Variants in AKAP3 observed in about 807,000 individuals in gnomAD.
The protein encoded by AKAP3 is A-kinase anchor protein 3.
In AKAP3, 27 loss-of-function variants were observed where a neutral mutation model predicts 57.2. The observed-to-expected ratio is 0.47, with a 90% CI of 0.35 to 0.65. The LOEUF is 0.65. Ranked by LOEUF, AKAP3 falls within the 30% of genes least tolerant of loss-of-function variation. The pLI, the probability that AKAP3 is intolerant of heterozygous loss-of-function variation, is 0.01. For synonymous variants in AKAP3, 334 were observed against 392.3 expected, an observed-to-expected ratio of 0.85 and a Z score of 1.76; for missense variants, 959 against 1,040.0, an observed-to-expected ratio of 0.92 and a Z score of 1.07.
chr12:4,628,455 G>A lies in AKAP3; in HGVS notation c.447C>T (p.Gly149=). 1 of 1,614,212 alleles carries A rather than the reference G, an allele frequency of 6.2e-7. No homozygotes were observed. Among genetic ancestry groups the A allele is most frequent in the Non-Finnish European group, 8.5e-7 (1 of 1,180,034 alleles). ...ARKEINEKID[G]SENKCVYQSL... ...ACTGATAGACACATTTGTTTTCAGA[G>A]CCATCGATCTTCTCATTGATCTCTT... The change falls in exon 5 of 6, where the codon GGC becomes GGT. Residue 149 remains glycine, a synonymous_variant. Coordinates refer to ENST00000228850, the MANE Select transcript of AKAP3 (RefSeq NM_001278309.2).
intron 5 of AKAP3, among the ~76,000 whole-genome samples, chr12:4,617,613 G>C (rs1415765618): frequency 6.6e-6 from 1 of 152,126 alleles, no homozygotes; most frequent in Non-Finnish European, 1.5e-5. Context: ...ATAACTGGGT[G>C]TCATGGCACG....
At chr12:4,618,911 AAT>A (rs1314156146) in intron 5 of AKAP3, among the ~76,000 whole-genome samples, 2 of 152,232 alleles carry the variant, frequency 1.3e-5, no homozygotes, top group African/African-American at 4.8e-5. Context: ...TATTTGCAAA[AAT>A]ATATCAGATA....
At chr12:4,633,499 C>G (rs879732594) in intron 4 of AKAP3, among the ~76,000 whole-genome samples, 2 of 152,082 alleles carry the variant, frequency 1.3e-5, no homozygotes, top group Admixed American at 1.3e-4. Flanking sequence ...GACTGAAAGA[C>G]TAAGTACCCA....
intron 5 of AKAP3, among the ~76,000 whole-genome samples, chr12:4,623,091 T>C (rs1000889523): frequency 2.0e-5 from 3 of 152,032 alleles, no homozygotes; most frequent in Non-Finnish European, 4.4e-5. Flanking sequence ...TCACACCAGT[T>C]AGAATGGCTA....
Position 4,634,718 on chromosome 12 carries a change from A to AT in AKAP3, c.96+3382dup, listed in dbSNP as rs1257837738. The stretch of plus-strand genomic sequence containing the variant: ...CTAAAACAAGATGGGATTGCATTTG[A>AT]TTTTTTTTTTTACCCCATTAAAAAA... On this transcript the variant is annotated intron_variant, in intron 4 of 5. Transcript: ENST00000228850. Among the ~76,000 whole-genome samples the AT allele has an allele frequency of 3.2e-3, 300 of 93,902 alleles. 1 individual carries two copies. Among genetic ancestry groups the AT allele is most frequent in the South Asian group, 0.014 (34 of 2,402 alleles). 61.6% of individuals were successfully genotyped at this position (93,902 alleles called of 152,430 possible).
At chr12:4,624,316 CGT>C (rs71061197) in intron 5 of AKAP3, among the ~76,000 whole-genome samples, 4,432 of 42,558 alleles carry the variant, frequency 0.1, 97 homozygotes, top group African/African-American at 0.15. Flanking sequence ...TGTGACTTTA[CGT>C]GTGTGTGTGT....
In AKAP3 at chr12:4,628,415, TC is replaced by T; in HGVS notation, c.486del (p.Asn163MetfsTer12). On this transcript the variant is annotated frameshift_variant, in exon 5 of 6. Transcript: ENST00000228850. LOFTEE classifies it high-confidence loss of function. The part of the protein sequence containing the change: ...NKCVYQSLYM[G>X]NEPTPTKSLS... The stretch of plus-strand genomic sequence containing the variant: ...AGGCTTTTGGTGGGTGTGGGTTCAT[TC>T]CCCATGTACAATGACTGATAGACAC... 6.2e-7 allele frequency: 1 copy of T among 1,614,116 alleles called. No individual in the cohort carries two copies. Among genetic ancestry groups the T allele is most frequent in the African/African-American group, 1.3e-5 (1 of 75,020 alleles).
chr12:4,648,566 A>AG (rs1362770946), intron 1 of AKAP3, 179 bp downstream of exon 1: 1 of 152,308 alleles, frequency 6.6e-6, no homozygotes, highest in Non-Finnish European at 1.5e-5. Context: ...AGCAGGCGCA[A>AG]GGGTCCCTAT....
At position 4,648,970 on chromosome 12, in the gene AKAP3, C is replaced by G. The variant is rs1441447007; in HGVS notation, c.-470G>C. 2.6e-6 allele frequency: 2 copies of G among 773,648 alleles called. No homozygotes were observed. The highest frequency in any genetic ancestry group is 4.2e-6 in the Non-Finnish European group (2 of 480,222). The allele number at this position is 773,648 out of a possible 1,614,324, so 47.9% of individuals were successfully genotyped here. On this transcript the variant is annotated 5_prime_UTR_variant, in exon 1 of 6. Coordinates refer to ENST00000228850, the MANE Select transcript of AKAP3 (RefSeq NM_001278309.2). ...TCTTTTCACTTCCTTTCTTCCCCCT[C>G]TCCTTCACTTTCCCAGCTTTCTTCT...
intron 5 of AKAP3, among the ~76,000 whole-genome samples, chr12:4,616,562 A>G (rs1945287790): frequency 6.6e-6 from 1 of 152,250 alleles, no homozygotes; most frequent in Non-Finnish European, 1.5e-5. Flanking sequence ...AAATAAACAC[A>G]CCAAATATTG....
chr12:4,630,529 T>C (rs944359974), intron 4 of AKAP3, among the ~76,000 whole-genome samples: 44 of 152,246 alleles, frequency 2.9e-4, no homozygotes, highest in African/African-American at 9.6e-4. Context: ...AAGTGGCTTG[T>C]TATCATGTCG....
At chr12:4,646,877 G>A (rs1238565241) in intron 1 of AKAP3, among the ~76,000 whole-genome samples, 1 of 151,978 alleles carries the variant, frequency 6.6e-6, no homozygotes, top group African/African-American at 2.4e-5. Context: ...CCGCTTCCCA[G>A]GTTCAAGTGA....
rs1945396933 is a variant in AKAP3, at chr12:4,625,143, T to G, written c.2406+1353A>C. ...TGTTTCACGGATTGGAAACCCTGCG[T>G]GGAGACAGAGCTTGCCAACGACCCT... On this transcript the variant is annotated intron_variant, in intron 5 of 5. Coordinates refer to ENST00000228850, the MANE Select transcript of AKAP3 (RefSeq NM_001278309.2). This position sits in a 1 kb window ranked among gnomAD's most constrained non-coding sequence, Gnocchi z 5.4. Among the ~76,000 whole-genome samples, 1 of 152,176 alleles carries G rather than the reference T, an allele frequency of 6.6e-6. No individual in the cohort carries two copies. Among genetic ancestry groups the G allele is most frequent in the Admixed American group, 6.5e-5 (1 of 15,270 alleles).
At position 4,628,783 on chromosome 12, in the gene AKAP3, C is replaced by A; in HGVS notation, c.119G>T (p.Arg40Ile). 1 of 1,607,498 alleles carries A rather than the reference C, an allele frequency of 6.2e-7. No individual in the cohort carries two copies. The highest frequency in any genetic ancestry group is 8.5e-7 in the Non-Finnish European group (1 of 1,174,554). The change falls in exon 5 of 6, where the codon AGA (arginine) becomes ATA (isoleucine). Residue 40 changes from arginine (R) to isoleucine (I), a missense_variant. Arg to Ile is a moderately conservative substitution (Grantham distance 97, BLOSUM62 -3). Coordinates refer to ENST00000228850, the MANE Select transcript of AKAP3 (RefSeq NM_001278309.2). ...GTCTCTGCGGAGCCAGCTGAGCACT[C>A]TGACAGGATCCGTGGAGGTGTCCTT... is the stretch of plus-strand genomic sequence containing the variant. ...WKMDTSTDPV[R>I]VLSWLRRDLE...
At chr12:4,646,216 C>G (rs1945696272) in intron 1 of AKAP3, among the ~76,000 whole-genome samples, 1 of 152,058 alleles carries the variant, frequency 6.6e-6, no homozygotes, top group Admixed American at 6.6e-5. Context: ...TTACTACATT[C>G]TCTGAAAATG....
chr12:4,628,731 T>A lies in AKAP3; in HGVS notation c.171A>T (p.Gln57His), dbSNP rs757016226. Residue 57 changes from glutamine to histidine, a missense_variant, in exon 5 of 6, where the codon CAA becomes CAT. Transcript: ENST00000228850. ...ATTCTCCGGGTTTGAACCGAACATCTTGGAACTCTGCTGTACTCTTCTCCA... is the reference window on the plus strand; with the variant it reads ...ATTCTCCGGGTTTGAACCGAACATCATGGAACTCTGCTGTACTCTTCTCCA... ...RDLEKSTAEF[Q>H]DVRFKPGESF... 3 of 1,614,200 alleles carry A rather than the reference T, an allele frequency of 1.9e-6. No individual in the cohort carries two copies. Among genetic ancestry groups the A allele is most frequent in the Non-Finnish European group, 1.7e-6 (2 of 1,180,014 alleles).
chr12:4,636,341 G>A (rs974205855), intron 4 of AKAP3, among the ~76,000 whole-genome samples: 59 of 152,328 alleles, frequency 3.9e-4, no homozygotes, highest in African/African-American at 1.2e-3. Flanking sequence ...GGTGGTGGCC[G>A]TGGCATCTGC....
At chr12:4,638,297 C>T in intron 3 of AKAP3, 101 bp from the exon 4 acceptor site, 2 of 794,148 alleles carry the variant, frequency 2.5e-6, no homozygotes, top group Non-Finnish European at 2.1e-6. Context: ...GAAAGATGAA[C>T]AATGCCTTCA....
intron 5 of AKAP3, among the ~76,000 whole-genome samples, chr12:4,618,617 G>A (rs1348465763): frequency 6.6e-6 from 1 of 152,204 alleles, no homozygotes; most frequent in Non-Finnish European, 1.5e-5. Flanking sequence ...TTTGCTCATT[G>A]CATGTTGTTT....
Sources: gnomAD v4.1 joint callset for allele counts (sites outside exome capture counted in the v4.1 genomes callset) on GRCh38, gnomAD v4.1.1 for gene constraint, Gnocchi (gnomAD v3.1) non-coding constraint, MANE v1.5 for transcripts, NCBI Gene and HGNC (gene_info 2026-07-23, HGNC 2026-07-21) for gene names.